Variants in LHFPL3 observed in about 807,000 individuals in gnomAD.
The protein encoded by LHFPL3 is LHFPL tetraspan subfamily member 3.
In LHFPL3, 5 loss-of-function variants were observed where a neutral mutation model predicts 19.3. The ratio of observed to expected loss-of-function variants is 0.26; its 90% CI spans 0.14 to 0.54. The LOEUF is 0.54. Ranked by LOEUF, LHFPL3 falls within the 20% of genes least tolerant of loss-of-function variation. The probability of loss-of-function intolerance (pLI) is 0.94; values close to 1 mark genes in which losing one functional copy is unlikely to be tolerated. For synonymous variants in LHFPL3, 133 were observed against 126.2 expected (o/e 1.05, Z -0.36); for missense variants, 249 against 307.4 (o/e 0.81, Z 1.42).
At chr7:104,786,927 A>G (rs922913923) in intron 2 of LHFPL3, among the ~76,000 whole-genome samples, 1 of 152,180 alleles carries the variant, frequency 6.6e-6, no homozygotes, top group Non-Finnish European at 1.5e-5. Flanking sequence ...AGAACCGACA[A>G]TTCTAGAAAA....
At chr7:104,579,742 C>T (rs1790418777) in intron 1 of LHFPL3, among the ~76,000 whole-genome samples, 1 of 152,172 alleles carries the variant, frequency 6.6e-6, no homozygotes, top group African/African-American at 2.4e-5. Flanking sequence ...TGAGCCCAAC[C>T]CATAATATTA....
rs192574401 is a variant in LHFPL3 at position 104,343,421 on chromosome 7, G to A, written c.445+14197G>A. 2.7e-5 allele frequency among the ~76,000 whole-genome samples: 4 copies of A among 147,654 alleles called. No individual in the cohort carries two copies. The East Asian group carries it at 8.1e-4, about 30-fold the overall frequency. ...CCAGCTACTCTGGTGGCTGAGGCAG[G>A]AGAATCACTTGAACCCGGGAGGTGG... On this transcript the variant is annotated intron_variant, in intron 1 of 2. Coordinates refer to ENST00000424859, the MANE Select transcript of LHFPL3 (RefSeq NM_199000.3).
chr7:104,615,355 T>C (rs1313517733), intron 1 of LHFPL3, among the ~76,000 whole-genome samples: 5 of 152,206 alleles, frequency 3.3e-5, no homozygotes, highest in African/African-American at 7.2e-5. Context: ...AATCGCTCCA[T>C]TGATCATTCT....
chr7:104,562,350 A>T (rs535274663), intron 1 of LHFPL3, among the ~76,000 whole-genome samples: 2 of 152,280 alleles, frequency 1.3e-5, no homozygotes, highest in South Asian at 4.1e-4. Context: ...CTTTTCACAT[A>T]GTCCCATAGT....
chr7:104,747,416 C>A (rs1054650107), intron 2 of LHFPL3, among the ~76,000 whole-genome samples: 7 of 152,104 alleles, frequency 4.6e-5, no homozygotes, highest in African/African-American at 1.7e-4. Context: ...GCAGAAGAAA[C>A]AATAAAGACA....
intron 1 of LHFPL3, among the ~76,000 whole-genome samples, chr7:104,626,443 C>T (rs1011819928): frequency 1.1e-4 from 16 of 152,176 alleles, no homozygotes; most frequent in African/African-American, 3.9e-4. Context: ...CCACTCCATG[C>T]TTCATTTTTA....
At chr7:104,415,571 A>T (rs1234717742) in intron 1 of LHFPL3, among the ~76,000 whole-genome samples, 1 of 152,038 alleles carries the variant, frequency 6.6e-6, no homozygotes, top group Admixed American at 6.6e-5. Flanking sequence ...TCTCACCCCA[A>T]CTCTAACACA....
At chr7:104,755,230 C>T (rs1362394479) in intron 2 of LHFPL3, among the ~76,000 whole-genome samples, 1 of 152,078 alleles carries the variant, frequency 6.6e-6, no homozygotes, top group African/African-American at 2.4e-5. Context: ...CCCAGCAGCA[C>T]AAGGACTTCT....
At chr7:104,572,617 T>G (rs931717236) in intron 1 of LHFPL3, among the ~76,000 whole-genome samples, 1 of 152,178 alleles carries the variant, frequency 6.6e-6, no homozygotes, top group African/African-American at 2.4e-5. Context: ...GTGTTGTATA[T>G]CTGCTTGATG....
chr7:104,622,814 G>C (rs930823991), intron 1 of LHFPL3, among the ~76,000 whole-genome samples: 1 of 152,116 alleles, frequency 6.6e-6, no homozygotes, highest in Admixed American at 6.5e-5. Context: ...ATTTCTTGTG[G>C]GTATATACCT....
At chr7:104,886,674 A>G (rs555107883) in intron 2 of LHFPL3, among the ~76,000 whole-genome samples, 29 of 152,316 alleles carry the variant, frequency 1.9e-4, no homozygotes, top group African/African-American at 6.3e-4. Context: ...CTCTTTTTAC[A>G]TATTAAGTAA....
chr7:104,379,416 T>C (rs769916512), intron 1 of LHFPL3, among the ~76,000 whole-genome samples: 3 of 152,190 alleles, frequency 2.0e-5, no homozygotes, highest in Non-Finnish European at 4.4e-5. Context: ...ATTTTTTGTG[T>C]TTTCTTGAAC....
chr7:104,589,604 T>A (rs1195899849), intron 1 of LHFPL3, among the ~76,000 whole-genome samples: 9 of 152,320 alleles, frequency 5.9e-5, no homozygotes, highest in Non-Finnish European at 7.4e-5. Context: ...CGGGCTTTGA[T>A]ATCAGGATGA....
At chr7:104,527,424 G>A (rs1218352269) in intron 1 of LHFPL3, among the ~76,000 whole-genome samples, 1 of 152,114 alleles carries the variant, frequency 6.6e-6, no homozygotes, top group East Asian at 1.9e-4. Flanking sequence ...AGCAGTGGAG[G>A]TGGCGAGGTG....
intron 2 of LHFPL3, among the ~76,000 whole-genome samples, chr7:104,839,768 C>G (rs1024689127): frequency 1.3e-5 from 2 of 152,200 alleles, no homozygotes; most frequent in African/African-American, 4.8e-5. Flanking sequence ...TATTAAGTCT[C>G]TCTGCACTCA....
intron 1 of LHFPL3, among the ~76,000 whole-genome samples, chr7:104,716,789 C>T (rs1338710782): frequency 6.6e-6 from 1 of 152,148 alleles, no homozygotes; most frequent in Non-Finnish European, 1.5e-5. Flanking sequence ...CTATCAAAAT[C>T]CCAGTGGCAT....
chr7:104,381,828 T>C (rs917889285), intron 1 of LHFPL3, among the ~76,000 whole-genome samples: 2 of 152,224 alleles, frequency 1.3e-5, no homozygotes, highest in African/African-American at 4.8e-5. Context: ...TTTATTTCAT[T>C]GATAGCTTGC....
intron 1 of LHFPL3, among the ~76,000 whole-genome samples, chr7:104,549,414 G>A (rs1325180187): frequency 1.4e-5 from 2 of 148,104 alleles, no homozygotes; most frequent in African/African-American, 2.5e-5. Flanking sequence ...TTATTTTTTT[G>A]AGCTATGCTC....
intron 1 of LHFPL3, 105 bp downstream of exon 1, chr7:104,329,329 A>G (rs1801525799): frequency 1.4e-6 from 2 of 1,419,648 alleles, no homozygotes; most frequent in Admixed American, 4.7e-5. Flanking sequence ...CTGCGAGCCA[A>G]GCCGCCTAAT....
Sources: gnomAD v4.1 joint callset for allele counts (sites outside exome capture counted in the v4.1 genomes callset) on GRCh38, gnomAD v4.1.1 for gene constraint, MANE v1.5 for transcripts, NCBI Gene and HGNC (gene_info 2026-07-23, HGNC 2026-07-21) for gene names.